SAMD12: variants seen among roughly 807,000 people sequenced by gnomAD.
SAMD12 encodes the protein sterile alpha motif domain containing 12.
In SAMD12, 9 loss-of-function variants were observed where a neutral mutation model predicts 15.0. The ratio of observed to expected loss-of-function variants is 0.60; its 90% confidence interval spans 0.36 to 1.05. The LOEUF (loss-of-function observed/expected upper bound fraction) is 1.05. SAMD12 is among the 50% of genes least tolerant of loss of function. The pLI, the probability that SAMD12 is intolerant of heterozygous loss-of-function variation, is 0.01. For missense variants in SAMD12, 230 were observed against 234.2 expected (o/e 0.98, Z 0.12); for synonymous variants, 86 against 90.1 (o/e 0.96, Z 0.25).
chr8:118,396,938 C>T (rs1257481209), intron 3 of SAMD12, among the ~76,000 whole-genome samples: 1 of 152,084 alleles, frequency 6.6e-6, no homozygotes, highest in Non-Finnish European at 1.5e-5. Flanking sequence ...GTATCTGAAG[C>T]AAGACAGAAG....
chr8:118,307,179 T>C (rs1815393721), intron 4 of SAMD12, among the ~76,000 whole-genome samples: 1 of 152,224 alleles, frequency 6.6e-6, no homozygotes, highest in East Asian at 1.9e-4. Flanking sequence ...TGATGGGCTG[T>C]AACTGCACCT....
intron 4 of SAMD12, among the ~76,000 whole-genome samples, chr8:118,337,800 C>T (rs920806813): frequency 3.9e-5 from 6 of 152,006 alleles, no homozygotes; most frequent in Non-Finnish European, 8.8e-5. Flanking sequence ...TCAGGATATG[C>T]CAAAGAGAAG....
At chr8:118,548,404 C>T (rs1826196071) in intron 2 of SAMD12, among the ~76,000 whole-genome samples, 2 of 151,140 alleles carry the variant, frequency 1.3e-5, no homozygotes, top group Admixed American at 1.3e-4. Context: ...CACACACACA[C>T]ACACACACAC....
intron 4 of SAMD12, among the ~76,000 whole-genome samples, chr8:118,198,981 T>C (rs1297737229): frequency 6.6e-6 from 1 of 152,156 alleles, no homozygotes; most frequent in African/African-American, 2.4e-5. Flanking sequence ...CACTCTCTTA[T>C]TGTTGAAGAT....
At chr8:118,349,899 G>T (rs1284075256) in intron 4 of SAMD12, among the ~76,000 whole-genome samples, 1 of 152,150 alleles carries the variant, frequency 6.6e-6, no homozygotes, top group Admixed American at 6.5e-5. Flanking sequence ...AAGCTAAGCT[G>T]GGAGGATTGC....
At chr8:118,339,717 ATGGGT>A (rs1817255920) in intron 4 of SAMD12, among the ~76,000 whole-genome samples, 2 of 152,144 alleles carry the variant, frequency 1.3e-5, no homozygotes, top group South Asian at 4.1e-4. Context: ...TGCAGCTGCG[ATGGGT>A]CAGTCCTCTC....
At chr8:118,539,474 G>A (rs1825934010) in intron 2 of SAMD12, among the ~76,000 whole-genome samples, 1 of 152,184 alleles carries the variant, frequency 6.6e-6, no homozygotes, top group Admixed American at 6.5e-5. Flanking sequence ...TACATGGAGA[G>A]TTAGCTTTAG....
chr8:118,524,924 T>C (rs1825492709), intron 2 of SAMD12, among the ~76,000 whole-genome samples: 1 of 152,212 alleles, frequency 6.6e-6, no homozygotes, highest in African/African-American at 2.4e-5. Context: ...GCTTTTCCCC[T>C]GACAGTCTGT....
intron 2 of SAMD12, among the ~76,000 whole-genome samples, chr8:118,495,721 G>A (rs1338154144): frequency 1.3e-5 from 2 of 151,864 alleles, no homozygotes; most frequent in Non-Finnish European, 2.9e-5. Context: ...TACCCCTTAG[G>A]GTTTTAGTAA....
chr8:118,161,306 C>T, the SAMD12 span, among the ~76,000 whole-genome samples: 2 of 152,088 alleles, frequency 1.3e-5, no homozygotes. Flanking sequence ...TCAAAAGACA[C>T]TGCGTGTTGG....
At chr8:118,436,865 G>A (rs1822589370) in intron 3 of SAMD12, among the ~76,000 whole-genome samples, 1 of 152,192 alleles carries the variant, frequency 6.6e-6, no homozygotes, top group Non-Finnish European at 1.5e-5. Flanking sequence ...CTGTGACTGT[G>A]TACCACCTTC....
intron 3 of SAMD12, among the ~76,000 whole-genome samples, chr8:118,399,807 G>A (rs1256602020): frequency 1.3e-5 from 2 of 152,136 alleles, no homozygotes; most frequent in African/African-American, 4.8e-5. Flanking sequence ...GTACCCAATC[G>A]ATTGTCAGAC....
chr8:118,167,959 A>G, the SAMD12 span, among the ~76,000 whole-genome samples: 2 of 152,194 alleles, frequency 1.3e-5, no homozygotes, highest in African/African-American at 4.8e-5. Context: ...CTCAACTTGA[A>G]TTGTATCTCC....
chr8:118,255,686 A>G (rs1812921240), intron 4 of SAMD12, among the ~76,000 whole-genome samples: 1 of 151,740 alleles, frequency 6.6e-6, no homozygotes, highest in Non-Finnish European at 1.5e-5. Context: ...ACATGAACTC[A>G]TCATTTTTCA....
intron 2 of SAMD12, among the ~76,000 whole-genome samples, chr8:118,529,220 G>A (rs563538932): frequency 6.6e-6 from 1 of 152,282 alleles, no homozygotes; most frequent in African/African-American, 2.4e-5. Context: ...ACTTTTCAGA[G>A]GCCTCAGCTG....
chr8:118,500,232 C>T (rs1824746226), intron 2 of SAMD12, among the ~76,000 whole-genome samples: 1 of 151,876 alleles, frequency 6.6e-6, no homozygotes, highest in South Asian at 2.1e-4. Context: ...GCATGCGCCA[C>T]TACACCCAGC....
At chr8:118,507,089 T>C (rs1464122796) in intron 2 of SAMD12, among the ~76,000 whole-genome samples, 1 of 152,156 alleles carries the variant, frequency 6.6e-6, no homozygotes, top group Admixed American at 6.5e-5. Flanking sequence ...AACTTCATTT[T>C]TCCCGGTCTT....
chr8:118,340,744 G>C (rs1817316250), intron 4 of SAMD12, among the ~76,000 whole-genome samples: 1 of 152,154 alleles, frequency 6.6e-6, no homozygotes, highest in Admixed American at 6.5e-5. Context: ...GCTCCAGCCT[G>C]GGCGACAGAG....
intron 3 of SAMD12, chr8:118,394,976 CCAT>C (rs762514143): frequency 6.6e-6 from 1 of 152,194 alleles, no homozygotes; most frequent in Non-Finnish European, 1.5e-5. Context: ...CAAATCACCA[CCAT>C]GACACACTAC....
Sources: gnomAD v4.1 joint callset for allele counts (sites outside exome capture counted in the v4.1 genomes callset) on GRCh38, gnomAD v4.1.1 for gene constraint, MANE v1.5 for transcripts, NCBI Gene and HGNC (gene_info 2026-07-23, HGNC 2026-07-21) for gene names.